ZNF451: variants seen among roughly 807,000 people sequenced by gnomAD.
ZNF451 encodes the protein zinc finger protein 451, also known as E3 SUMO-protein ligase ZNF451.
In ZNF451, 80 loss-of-function variants were observed where a neutral mutation model predicts 107.1. The observed-to-expected ratio is 0.75, with a 90% confidence interval of 0.62 to 0.90. The LOEUF (loss-of-function observed/expected upper bound fraction) is 0.90. Ranked by LOEUF, ZNF451 falls within the 40% of genes least tolerant of loss-of-function variation. The pLI, the probability that ZNF451 is intolerant of heterozygous loss-of-function variation, is 0.00. For missense variants in ZNF451, 1,107 were observed against 1,236.2 expected, an observed-to-expected ratio of 0.90 and a Z score of 1.57; for synonymous variants, 362 against 406.5, an observed-to-expected ratio of 0.89 and a Z score of 1.32.
At chr6:57,128,138 T>A (rs1473072304) in intron 4 of ZNF451, among the ~76,000 whole-genome samples, 2 of 152,210 alleles carry the variant, frequency 1.3e-5, no homozygotes, top group Non-Finnish European at 2.9e-5. Context: ...GCTAATGAGT[T>A]ATGTTATTAA....
intron 2 of ZNF451, among the ~76,000 whole-genome samples, chr6:57,094,263 G>A (rs1002131788): frequency 1.1e-4 from 16 of 151,818 alleles, no homozygotes; most frequent in African/African-American, 3.4e-4. Flanking sequence ...TAAATTGTGT[G>A]GTATTGGGAA....
chr6:57,109,557 TATGGTATTGGCTATAG>T, intron 3 of ZNF451: 4 of 985,302 alleles, frequency 4.1e-6, no homozygotes, highest in Non-Finnish European at 4.8e-6. Context: ...TATGGTATTC[TATGGTATTGGCTATAG>T]ATACATACAT....
chr6:57,110,814 CAGTA>C (rs1830069782), intron 3 of ZNF451, among the ~76,000 whole-genome samples: 1 of 151,942 alleles, frequency 6.6e-6, no homozygotes, highest in African/African-American at 2.4e-5. Flanking sequence ...GACCTTGTCC[CAGTA>C]ATATCTCCAG....
At chr6:57,094,818 TTA>T (rs1377129018) in intron 2 of ZNF451, among the ~76,000 whole-genome samples, 1 of 152,168 alleles carries the variant, frequency 6.6e-6, no homozygotes, top group African/African-American at 2.4e-5. Flanking sequence ...AAAATAGTAT[TTA>T]TGTTTTGAAC....
intron 14 of ZNF451, chr6:57,165,952 T>C (rs1331785223): frequency 6.6e-6 from 1 of 152,012 alleles, no homozygotes; most frequent in East Asian, 1.9e-4. Context: ...AGTGAGTGAG[T>C]GGTGAGTGAA....
At chr6:57,103,984 T>C (rs1006968359) in intron 3 of ZNF451, 1 of 985,344 alleles carries the variant, frequency 1.0e-6, no homozygotes, top group African/African-American at 1.7e-5. Flanking sequence ...GGGTACTGTA[T>C]TGATCTTGTT....
intron 14 of ZNF451, among the ~76,000 whole-genome samples, chr6:57,167,156 A>T (rs1264910534): frequency 6.6e-6 from 1 of 152,014 alleles, no homozygotes; most frequent in Non-Finnish European, 1.5e-5. Flanking sequence ...TAATTGTAAA[A>T]CAGACGTTGT....
At position 57,102,249 on chromosome 6, in the gene ZNF451, T is replaced by C. The variant is rs1829642050; in HGVS notation, c.186+3108T>C. 3.6e-6 allele frequency: 5 copies of C among 1,377,166 alleles called. No homozygotes were observed. The East Asian group carries it at 8.0e-5, about 22-fold the overall frequency. The allele number at this position is 1,377,166 out of a possible 1,614,324, so 85.3% of individuals were successfully genotyped here. Reference sequence around the variant, plus strand: ...CAGCTGACATTTGAATTCTAGACTTTTGAAATGAAGTATATAATAAAGAAA... The same window carrying C: ...CAGCTGACATTTGAATTCTAGACTTCTGAAATGAAGTATATAATAAAGAAA... On this transcript the variant is annotated intron_variant, in intron 3 of 14. Transcript: ENST00000370706.
chr6:57,116,010 G>A (rs959592322), intron 3 of ZNF451: 1 of 152,126 alleles, frequency 6.6e-6, no homozygotes, highest in Non-Finnish European at 1.5e-5. Flanking sequence ...CTTGAGAAGT[G>A]AATTCAGGTC....
chr6:57,167,117 G>A (rs1053986743), intron 14 of ZNF451, among the ~76,000 whole-genome samples: 1 of 151,870 alleles, frequency 6.6e-6, no homozygotes, highest in African/African-American at 2.4e-5. Context: ...TTCAAATTTT[G>A]AATTTTAGTT....
In ZNF451 at chr6:57,107,932, G is replaced by A. The variant is rs1047240715; in HGVS notation, c.186+8791G>A. 17 of 613,636 alleles carry A rather than the reference G, an allele frequency of 2.8e-5. 1 individual carries two copies. In the East Asian group the frequency reaches 1.0e-3, roughly 36 times the overall value. 38.0% of individuals were successfully genotyped at this position (613,636 alleles called of 1,614,324 possible). A position where few individuals can be genotyped will look rare whatever the true frequency, so the allele number is the denominator to read the frequency against. ...CGGCTCACTGCAAGCTCTGCCTCCC[G>A]GGTTCACGCCATTCTCCTGCCTAAG... is the stretch of plus-strand genomic sequence containing the variant. On this transcript the variant is annotated intron_variant, in intron 3 of 14. Transcript: ENST00000370706.
intron 3 of ZNF451, chr6:57,107,195 T>A: frequency 1.0e-6 from 1 of 985,384 alleles, no homozygotes; most frequent in Non-Finnish European, 1.2e-6. Flanking sequence ...AGTTATTCTA[T>A]GTATTGATCT....
chr6:57,163,868 T>C (rs1313224416), intron 14 of ZNF451, among the ~76,000 whole-genome samples: 8 of 152,310 alleles, frequency 5.3e-5, no homozygotes, highest in African/African-American at 1.9e-4. Flanking sequence ...TTGGGTTATT[T>C]TGTTGACCCT....
At chr6:57,132,715 A>G (rs1361439747) in intron 5 of ZNF451, among the ~76,000 whole-genome samples, 1 of 152,030 alleles carries the variant, frequency 6.6e-6, no homozygotes, top group Non-Finnish European at 1.5e-5. Flanking sequence ...AAAGGGAAAA[A>G]AGCTACTTGG....
intron 2 of ZNF451, among the ~76,000 whole-genome samples, chr6:57,094,524 T>C (rs1403443866): frequency 1.3e-5 from 2 of 152,100 alleles, no homozygotes; most frequent in African/African-American, 4.8e-5. Context: ...AGAATGATGG[T>C]TTACTAGTTG....
At chr6:57,133,323 G>A in intron 6 of ZNF451, 131 bp downstream of exon 6, 1 of 949,756 alleles carries the variant, frequency 1.1e-6, no homozygotes, top group Non-Finnish European at 1.5e-6. Context: ...AAATTATTTT[G>A]TGCCATTATG....
intron 6 of ZNF451, among the ~76,000 whole-genome samples, chr6:57,133,637 GA>G (rs372217566): frequency 6.6e-6 from 1 of 152,142 alleles, no homozygotes; most frequent in African/African-American, 2.4e-5. Flanking sequence ...TCTATTTATT[GA>G]AACCCATTTT....
In ZNF451 at chr6:57,147,361, T is replaced by G. The variant is rs772541645; in HGVS notation, c.1276T>G (p.Ser426Ala). The G allele has an allele frequency of 1.9e-6, 3 of 1,614,088 alleles. No homozygotes were observed. The Admixed American group carries it at 5.0e-5, about 27-fold the overall frequency. The change falls in exon 10 of 15, where the codon TCA becomes GCA. Residue 426 changes from serine to alanine, a missense_variant. Transcript: ENST00000370706. ...ATTGTTGGATCAATCAAAATTTTCA[T>G]CACTTAAAAGAACCATGTCTATTAA... Reference protein sequence around the residue: ...HLLLDQSKFSSLKRTMSIKES... With the variant: ...HLLLDQSKFSALKRTMSIKES...
chr6:57,128,062 T>G (rs1219257168), intron 4 of ZNF451, among the ~76,000 whole-genome samples: 2 of 152,220 alleles, frequency 1.3e-5, no homozygotes, highest in Non-Finnish European at 2.9e-5. Context: ...AACTAGCCTT[T>G]GTGGAAAAGT....
Sources: allele counts gnomAD v4.1 joint callset (sites outside exome capture counted in the v4.1 genomes callset), GRCh38; gene constraint gnomAD v4.1.1; transcripts MANE v1.5; gene names NCBI Gene and HGNC (gene_info 2026-07-23, HGNC 2026-07-21).